LEF1: variants seen among roughly 807,000 people sequenced by gnomAD.
LEF1 encodes lymphoid enhancer-binding factor 1.
LEF1 carries 14 observed loss-of-function variants against 51.2 expected under a neutral mutation model. The ratio of observed to expected loss-of-function variants is 0.27; its 90% confidence interval spans 0.18 to 0.43. The LOEUF (loss-of-function observed/expected upper bound fraction) is 0.43, where lower values mean the gene tolerates loss of function less well. Ranked by LOEUF, LEF1 falls within the 20% of genes least tolerant of loss-of-function variation. The probability of loss-of-function intolerance (pLI) is 1.00; values close to 1 mark genes in which losing one functional copy is unlikely to be tolerated. For missense variants in LEF1, 386 were observed against 512.0 expected (o/e 0.75, Z 2.37); for synonymous variants, 185 against 183.2 (o/e 1.01, Z -0.08).
intron 11 of LEF1, among the ~76,000 whole-genome samples, chr4:108,054,798 AT>A: frequency 6.6e-6 from 1 of 152,384 alleles, no homozygotes; most frequent in South Asian, 2.1e-4. Context: ...CAAAAACGAT[AT>A]ATAGGCAGTT....
At chr4:108,079,712 A>G in intron 6 of LEF1, 98 bp from the exon 7 acceptor site, 1 of 1,211,220 alleles carries the variant, frequency 8.3e-7, no homozygotes, top group Non-Finnish European at 1.2e-6. Flanking sequence ...ACTGGCTAAG[A>G]GTAAAAACAC....
At chr4:108,137,577 A>G (rs976838298) in intron 3 of LEF1, among the ~76,000 whole-genome samples, 1 of 152,136 alleles carries the variant, frequency 6.6e-6, no homozygotes, top group Non-Finnish European at 1.5e-5. Flanking sequence ...AAGAAGAGCA[A>G]AGTCTGAATG....
chr4:108,115,604 A>G (rs1416891957), intron 3 of LEF1, among the ~76,000 whole-genome samples: 1 of 152,172 alleles, frequency 6.6e-6, no homozygotes, highest in African/African-American at 2.4e-5. Context: ...TTAAAGAGAG[A>G]AAGAATAAGA....
intron 3 of LEF1, among the ~76,000 whole-genome samples, chr4:108,111,774 G>C (rs1293088001): frequency 4.6e-5 from 7 of 152,044 alleles, no homozygotes; most frequent in Non-Finnish European, 1.0e-4. Flanking sequence ...AATTAGCAGG[G>C]CATGGTGGTG....
chr4:108,161,599 T>C (rs778262025), intron 3 of LEF1, among the ~76,000 whole-genome samples: 1 of 152,164 alleles, frequency 6.6e-6, no homozygotes, highest in African/African-American at 2.4e-5. Flanking sequence ...TACTGGTAGA[T>C]TGGGAGAAAA....
chr4:108,093,470 A>T (rs985046246), intron 3 of LEF1, among the ~76,000 whole-genome samples: 1 of 152,192 alleles, frequency 6.6e-6, no homozygotes, highest in Admixed American at 6.5e-5. Context: ...ACAATCAGGT[A>T]AGTCTTAGCT....
intron 11 of LEF1, among the ~76,000 whole-genome samples, chr4:108,062,052 C>T (rs573059333): frequency 2.6e-5 from 4 of 152,164 alleles, no homozygotes; most frequent in East Asian, 3.9e-4. Flanking sequence ...GTGTGCTGGC[C>T]GCTGGGCAGA....
rs541395858 is a variant in LEF1, at chr4:108,136,616, C to T, written c.414+26952G>A. Among the ~76,000 whole-genome samples, 6 of 151,994 alleles carry T rather than the reference C, an allele frequency of 3.9e-5. No individual in the cohort carries two copies. The South Asian group carries it at 1.2e-3, about 32-fold the overall frequency. ...CTTTCAGGGGTCTTATAACTGCAGA[C>T]CTAGAGTTACGATTCACACATTGTA... On this transcript the variant is annotated intron_variant, in intron 3 of 11. Transcript: ENST00000265165.
chr4:108,099,114 T>C (rs1048573012), intron 3 of LEF1, among the ~76,000 whole-genome samples: 1 of 152,196 alleles, frequency 6.6e-6, no homozygotes, highest in African/African-American at 2.4e-5. Flanking sequence ...TATGTTTATA[T>C]TGATTACATG....
At chr4:108,082,694 A>C (rs1346611603) in intron 5 of LEF1, among the ~76,000 whole-genome samples, 1 of 152,206 alleles carries the variant, frequency 6.6e-6, no homozygotes, top group East Asian at 1.9e-4. Context: ...AAAATAGGCT[A>C]TACCATGTTA....
At chr4:108,105,764 T>C (rs1332454330) in intron 3 of LEF1, among the ~76,000 whole-genome samples, 1 of 152,154 alleles carries the variant, frequency 6.6e-6, no homozygotes, top group Non-Finnish European at 1.5e-5. Context: ...TATCAAAGCT[T>C]TCATTAGCCT....
At chr4:108,091,532 T>C (rs1251122126) in intron 3 of LEF1, among the ~76,000 whole-genome samples, 1 of 152,104 alleles carries the variant, frequency 6.6e-6, no homozygotes, top group Non-Finnish European at 1.5e-5. Context: ...ATTTTATAAT[T>C]ATCAGCTCTT....
chr4:108,053,809 C>G (rs1737158679), intron 11 of LEF1, among the ~76,000 whole-genome samples: 1 of 152,158 alleles, frequency 6.6e-6, no homozygotes, highest in Admixed American at 6.5e-5. Context: ...AAGGAGAGAG[C>G]CTCAAAAGCC....
chr4:108,122,103 T>C (rs1289774490), intron 3 of LEF1, among the ~76,000 whole-genome samples: 1 of 152,196 alleles, frequency 6.6e-6, no homozygotes, highest in Non-Finnish European at 1.5e-5. Flanking sequence ...ACCCATTTGA[T>C]CAATCTTAAT....
intron 3 of LEF1, among the ~76,000 whole-genome samples, chr4:108,159,604 G>T (rs1744942945): frequency 1.3e-5 from 2 of 152,192 alleles, no homozygotes; most frequent in South Asian, 4.1e-4. Context: ...GAAGCTTACT[G>T]ATTAGACAAG....
At chr4:108,121,989 G>C (rs1000772349) in intron 3 of LEF1, among the ~76,000 whole-genome samples, 4 of 152,154 alleles carry the variant, frequency 2.6e-5, no homozygotes, top group African/African-American at 9.7e-5. Context: ...TTTCTGAGCA[G>C]AGAATATGGT....
chr4:108,152,156 C>T (rs1241374786), intron 3 of LEF1, among the ~76,000 whole-genome samples: 1 of 152,158 alleles, frequency 6.6e-6, no homozygotes, highest in Non-Finnish European at 1.5e-5. Context: ...TCCGGAGGAA[C>T]TTCATTGAGG....
chr4:108,154,062 T>C (rs1405274976), intron 3 of LEF1, among the ~76,000 whole-genome samples: 1 of 152,212 alleles, frequency 6.6e-6, no homozygotes, highest in African/African-American at 2.4e-5. Flanking sequence ...TTTTGCTTAT[T>C]TGAATTTTCT....
chr4:108,122,746 A>G (rs1244234665), intron 3 of LEF1, among the ~76,000 whole-genome samples: 2 of 152,104 alleles, frequency 1.3e-5, no homozygotes, highest in African/African-American at 2.4e-5. Flanking sequence ...TTGGCCTCCT[A>G]AAGTGCTGAG....
Sources: gnomAD v4.1 joint callset for allele counts (sites outside exome capture counted in the v4.1 genomes callset) on GRCh38, gnomAD v4.1.1 for gene constraint, MANE v1.5 for transcripts, NCBI Gene and HGNC (gene_info 2026-07-23, HGNC 2026-07-21) for gene names.